The following DNAH12 variants were observed in gnomAD, a reference collection of about 807,000 sequenced individuals.
The protein encoded by DNAH12 is dynein axonemal heavy chain 12.
DNAH12 carries 285 observed loss-of-function variants against 371.5 expected under a neutral mutation model. That is an observed-to-expected ratio of 0.77 (90% CI 0.70 to 0.85). The LOEUF is 0.85. Among genes scored for constraint, DNAH12 ranks in the 40% least tolerant of loss-of-function variants. The probability of loss-of-function intolerance (pLI) is 0.00; values close to 1 mark genes in which losing one functional copy is unlikely to be tolerated. For missense variants in DNAH12, 3,611 were observed against 3,689.4 expected (o/e 0.98, Z 0.55); for synonymous variants, 1,200 against 1,213.0 (o/e 0.99, Z 0.22).
chr3:57,299,789 C>T (rs923540529), intron 70 of DNAH12, among the ~76,000 whole-genome samples: 2 of 73,742 alleles, frequency 2.7e-5, no homozygotes, highest in African/African-American at 8.1e-5. Flanking sequence ...ACTTTCCAGC[C>T]TCCAGAGCTT....
intron 2 of DNAH12, among the ~76,000 whole-genome samples, chr3:57,542,453 G>T (rs1272010259): frequency 6.6e-6 from 1 of 152,110 alleles, no homozygotes; most frequent in Non-Finnish European, 1.5e-5. Flanking sequence ...CTAAACAATG[G>T]AGCTAACAAT....
chr3:57,371,651 A>AC (rs1476968348), intron 55 of DNAH12, among the ~76,000 whole-genome samples: 14 of 135,404 alleles, frequency 1.0e-4, no homozygotes, highest in Admixed American at 1.5e-4. Context: ...ACAAACTGAG[A>AC]CCCCCATCTC....
chr3:57,452,050 G>T (rs554413341), intron 25 of DNAH12, among the ~76,000 whole-genome samples: 6 of 152,102 alleles, frequency 3.9e-5, no homozygotes, highest in African/African-American at 1.4e-4. Context: ...ATGAACTTTC[G>T]CTCCTGCTCT....
At chr3:57,413,421 C>A (rs909270669) in intron 39 of DNAH12, among the ~76,000 whole-genome samples, 3 of 151,964 alleles carry the variant, frequency 2.0e-5, no homozygotes, top group Admixed American at 2.0e-4. Flanking sequence ...TAAAGCAAAC[C>A]CTAAAGTAAA....
chr3:57,335,667 T>C (rs1261855967), intron 60 of DNAH12, among the ~76,000 whole-genome samples: 3 of 152,228 alleles, frequency 2.0e-5, no homozygotes, highest in Non-Finnish European at 4.4e-5. Context: ...AGTAAAAATA[T>C]GGTATTATAA....
Position 57,419,163 on chromosome 3 carries a change from T to C in DNAH12, c.5714+204A>G, listed in dbSNP as rs543986732. 2.0e-4 allele frequency among the ~76,000 whole-genome samples: 31 copies of C among 152,198 alleles called. 1 individual carries two copies. The highest frequency in any genetic ancestry group is 1.3e-3 in the Admixed American group (20 of 15,272). ...CAACTTATGAGGCAGCAAAGTATGA[T>C]GGCAAGGGCTTTGGAGTGGGCAATG... is the stretch of plus-strand genomic sequence containing the variant. On this transcript the variant is annotated intron_variant, in intron 37 of 73. Transcript: ENST00000495027.
At chr3:57,451,742 G>A (rs892987304) in intron 25 of DNAH12, among the ~76,000 whole-genome samples, 6 of 152,138 alleles carry the variant, frequency 3.9e-5, no homozygotes, top group East Asian at 1.9e-4. Flanking sequence ...AGGAGTGTCC[G>A]GTGACCATCA....
chr3:57,369,969 G>A (rs1431567050), intron 55 of DNAH12, among the ~76,000 whole-genome samples: 1 of 152,114 alleles, frequency 6.6e-6, no homozygotes, highest in Non-Finnish European at 1.5e-5. Flanking sequence ...AAATTGGATT[G>A]TTGTGTCCAT....
intron 18 of DNAH12, among the ~76,000 whole-genome samples, chr3:57,462,001 G>A (rs2066067830): frequency 6.6e-6 from 1 of 152,154 alleles, no homozygotes; most frequent in African/African-American, 2.4e-5. Context: ...GCAGCCCATA[G>A]TCTGAAGATG....
chr3:57,390,829 A>G (rs2063607649), intron 45 of DNAH12, among the ~76,000 whole-genome samples: 1 of 151,926 alleles, frequency 6.6e-6, no homozygotes. Context: ...ACAGCTTCCA[A>G]CTGCTTTGGT....
chr3:57,425,406 C>CTT (rs2064735427), intron 34 of DNAH12, among the ~76,000 whole-genome samples: 1 of 137,018 alleles, frequency 7.3e-6, no homozygotes, highest in African/African-American at 2.9e-5. Context: ...CACCACCAGG[C>CTT]TATTTTTTTT....
Position 57,510,960 on chromosome 3 carries a change from T to C in DNAH12, c.299A>G (p.Lys100Arg). 1 of 1,600,984 alleles carries C rather than the reference T, an allele frequency of 6.2e-7. No homozygotes were observed. Reference protein sequence around the residue: ...KKKGFNYIYMKQCVESSPLVP... With the variant: ...KKKGFNYIYMRQCVESSPLVP... ...TAAAGGACTACTTTCTACACATTGC[T>C]TCATATAAATATAGTTGAACTGAGA... Residue 100 changes from lysine (K) to arginine (R), a missense_variant, in exon 5 of 74, where the codon AAG (lysine) becomes AGG (arginine). Physicochemically the swap from Lys to Arg is conservative, Grantham distance 26 (BLOSUM62 2). This residue lies in a region of DNAH12 where 1,314 missense variants were observed against 1,398.7 expected (regional missense o/e 0.94). Coordinates refer to ENST00000495027, the MANE Select transcript of DNAH12 (RefSeq NM_001366028.2).
intron 65 of DNAH12, among the ~76,000 whole-genome samples, chr3:57,317,056 A>T (rs1181065283): frequency 6.6e-6 from 1 of 152,202 alleles, no homozygotes; most frequent in Non-Finnish European, 1.5e-5. Context: ...TGCAAGGCTT[A>T]TATATTTAAA....
intron 36 of DNAH12, among the ~76,000 whole-genome samples, chr3:57,420,568 C>T (rs111746930): frequency 1.3e-5 from 2 of 152,232 alleles, no homozygotes; most frequent in African/African-American, 4.8e-5. Flanking sequence ...TAGAGACCTT[C>T]ACCTTCTCTA....
intron 2 of DNAH12, chr3:57,530,936 C>T: frequency 6.4e-6 from 1 of 156,962 alleles, no homozygotes. Context: ...CCCTGTCTTG[C>T]AGCACTTGTG....
At chr3:57,535,677 G>C (rs1462477926) in intron 2 of DNAH12, among the ~76,000 whole-genome samples, 10 of 151,912 alleles carry the variant, frequency 6.6e-5, no homozygotes, top group Non-Finnish European at 1.2e-4. Flanking sequence ...CGAGTAGCTG[G>C]GATTACAGGC....
chr3:57,337,298 A>G (rs2062247825), intron 60 of DNAH12, among the ~76,000 whole-genome samples: 1 of 151,708 alleles, frequency 6.6e-6, no homozygotes, highest in African/African-American at 2.4e-5. Context: ...GCTTGAGCCC[A>G]GGAGCTCCAG....
At position 57,344,882 on chromosome 3, in the gene DNAH12, CAAT is replaced by C. The variant is rs566224354; in HGVS notation, c.9674+7200_9674+7202del. Among the ~76,000 whole-genome samples, 3 of 152,086 alleles carry C rather than the reference CAAT, an allele frequency of 2.0e-5. No homozygotes were observed. In the East Asian group the frequency reaches 5.8e-4, roughly 29 times the overall value. On this transcript the variant is annotated intron_variant, in intron 60 of 73. Transcript: ENST00000495027. ...AGCACTGTAGGATGAGTGTAGTTAACAATAATATATTATTGTTGACTCTTGAAC... is the reference window on the plus strand; with the variant it reads ...AGCACTGTAGGATGAGTGTAGTTAACAATATATTATTGTTGACTCTTGAAC...
At chr3:57,406,535 T>C (rs1406159738) in intron 40 of DNAH12, among the ~76,000 whole-genome samples, 1 of 152,192 alleles carries the variant, frequency 6.6e-6, no homozygotes, top group African/African-American at 2.4e-5. Flanking sequence ...AACCTGTCTC[T>C]ACTTTTATTT....
Sources: allele counts gnomAD v4.1 joint callset (sites outside exome capture counted in the v4.1 genomes callset), GRCh38; gene constraint gnomAD v4.1.1; regional missense constraint gnomAD v4.1.1; transcripts MANE v1.5; gene names NCBI Gene and HGNC (gene_info 2026-07-23, HGNC 2026-07-21).